The following GPC6 variants were observed in gnomAD, a reference collection of about 807,000 sequenced individuals.
GPC6 encodes the protein glypican-6.
In GPC6, 14 loss-of-function variants were observed where a neutral mutation model predicts 55.2. The observed-to-expected ratio is 0.25, with a 90% confidence interval of 0.17 to 0.40. GPC6 has a LOEUF of 0.40. GPC6 is among the 10% of genes least tolerant of loss of function. The probability of loss-of-function intolerance (pLI) is 1.00; values close to 1 mark genes in which losing one functional copy is unlikely to be tolerated. For synonymous variants in GPC6, 278 were observed against 259.6 expected (o/e 1.07, Z -0.68); for missense variants, 641 against 708.5 (o/e 0.90, Z 1.08).
At chr13:94,099,459 A>G (rs994192337) in intron 4 of GPC6, among the ~76,000 whole-genome samples, 17 of 152,112 alleles carry the variant, frequency 1.1e-4, no homozygotes, top group African/African-American at 3.9e-4. Flanking sequence ...GAAGGTGTAT[A>G]TAGGAGACTC....
intron 4 of GPC6, among the ~76,000 whole-genome samples, chr13:94,124,480 A>T (rs7334378): frequency 6.3e-4 from 96 of 152,258 alleles, no homozygotes; most frequent in African/African-American, 2.2e-3. Flanking sequence ...ATGTGGACAA[A>T]TCAGAGAAGA....
At chr13:93,419,364 GA>G (rs1426396619) in intron 1 of GPC6, among the ~76,000 whole-genome samples, 2 of 151,772 alleles carry the variant, frequency 1.3e-5, no homozygotes, top group Non-Finnish European at 2.9e-5. Flanking sequence ...AAAGGTATTT[GA>G]AAAATGTTAG....
intron 1 of GPC6, among the ~76,000 whole-genome samples, chr13:93,382,916 T>C (rs994589553): frequency 7.2e-5 from 11 of 152,186 alleles, no homozygotes; most frequent in Admixed American, 1.3e-4. Context: ...CACATAGTCC[T>C]TCACTCTCTT....
chr13:93,732,838 T>C (rs1883876111), intron 2 of GPC6, among the ~76,000 whole-genome samples: 1 of 152,170 alleles, frequency 6.6e-6, no homozygotes, highest in Non-Finnish European at 1.5e-5. Context: ...GAAATTAATC[T>C]TAATATTTTC....
intron 2 of GPC6, among the ~76,000 whole-genome samples, chr13:93,723,081 A>T (rs1196050132): frequency 6.6e-6 from 1 of 151,978 alleles, no homozygotes; most frequent in African/African-American, 2.4e-5. Flanking sequence ...ATACATTTCT[A>T]TTTGACAACA....
intron 2 of GPC6, among the ~76,000 whole-genome samples, chr13:93,580,322 A>G (rs1239361822): frequency 6.6e-6 from 1 of 152,182 alleles, no homozygotes; most frequent in East Asian, 1.9e-4. Context: ...ATGACATTGA[A>G]GGTTAGGATT....
intron 2 of GPC6, among the ~76,000 whole-genome samples, chr13:93,672,091 CGTAGAAAAAAGGGTCCAAGACTAT>C (rs1881382413): frequency 6.7e-6 from 1 of 148,852 alleles, no homozygotes; most frequent in Non-Finnish European, 1.5e-5. Context: ...AACAGAACAA[CGTAGAAAAAAGGGTCCAAGACTAT>C]TTTTGCATTT....
At chr13:93,564,940 A>G (rs993610797) in intron 2 of GPC6, among the ~76,000 whole-genome samples, 4 of 152,204 alleles carry the variant, frequency 2.6e-5, no homozygotes, top group African/African-American at 9.7e-5. Flanking sequence ...CCGTTTCAAA[A>G]TATAAACTTA....
intron 3 of GPC6, among the ~76,000 whole-genome samples, chr13:93,859,108 A>G (rs533405574): frequency 2.0e-5 from 3 of 151,688 alleles, no homozygotes; most frequent in Admixed American, 2.0e-4. Context: ...TAGAAGCAGT[A>G]ACATTACCCA....
intron 1 of GPC6, among the ~76,000 whole-genome samples, chr13:93,450,560 G>A (rs542966046): frequency 6.6e-6 from 1 of 152,314 alleles, no homozygotes; most frequent in East Asian, 1.9e-4. Flanking sequence ...CTTCTTTGCA[G>A]CTGTGGGGAC....
chr13:94,072,370 T>C (rs9589891), intron 4 of GPC6, among the ~76,000 whole-genome samples: 4,263 of 152,206 alleles, frequency 0.028, 204 homozygotes, highest in African/African-American at 0.098. Context: ...TTTGTTTGTT[T>C]TTGAGACAGA....
chr13:93,753,263 C>T (rs1045704544), intron 2 of GPC6, among the ~76,000 whole-genome samples: 8 of 152,218 alleles, frequency 5.3e-5, no homozygotes, highest in Admixed American at 1.3e-4. Flanking sequence ...ATTTCTTTAC[C>T]GCATGGTTCT....
chr13:93,475,424 C>T (rs9524081), intron 1 of GPC6, among the ~76,000 whole-genome samples: 17,812 of 152,036 alleles, frequency 0.12, 1,328 homozygotes, highest in East Asian at 0.28. Flanking sequence ...ATTTACGTTT[C>T]ATTTGTGTTT....
intron 2 of GPC6, among the ~76,000 whole-genome samples, chr13:93,737,307 T>C (rs1041394404): frequency 6.6e-6 from 1 of 152,198 alleles, no homozygotes; most frequent in East Asian, 1.9e-4. Context: ...GAAGCCATAT[T>C]ACTCATTTAA....
chr13:94,032,623 G>A (rs149707032), intron 4 of GPC6, among the ~76,000 whole-genome samples: 108 of 152,270 alleles, frequency 7.1e-4, no homozygotes, highest in African/African-American at 2.5e-3. Context: ...TTGAACTGAT[G>A]AGATTTGTGT....
intron 3 of GPC6, among the ~76,000 whole-genome samples, chr13:94,013,570 G>A (rs535912184): frequency 9.9e-5 from 15 of 152,202 alleles, no homozygotes; most frequent in African/African-American, 2.6e-4. Flanking sequence ...GGCTGGTCTC[G>A]AATGCCTGAC....
intron 4 of GPC6, 59 bp downstream of exon 4, chr13:94,027,953 G>A: frequency 2.1e-6 from 3 of 1,449,774 alleles, no homozygotes; most frequent in East Asian, 4.5e-5. Flanking sequence ...GTGTTTATGG[G>A]GCTTGATGGG....
At chr13:93,836,300 A>G (rs1236377463) in intron 3 of GPC6, among the ~76,000 whole-genome samples, 3 of 152,240 alleles carry the variant, frequency 2.0e-5, no homozygotes, top group Admixed American at 6.5e-5. Flanking sequence ...AGAATTTACC[A>G]TGGATTCAAT....
chr13:93,629,056 A>AAC (rs1555318039), intron 2 of GPC6, among the ~76,000 whole-genome samples: 1 of 151,484 alleles, frequency 6.6e-6, no homozygotes, highest in Non-Finnish European at 1.5e-5. Context: ...AAACAAAAAA[A>AAC]ACTGACTTTT....
Sources: gnomAD v4.1 joint callset for allele counts (sites outside exome capture counted in the v4.1 genomes callset) on GRCh38, gnomAD v4.1.1 for gene constraint, MANE v1.5 for transcripts, NCBI Gene and HGNC (gene_info 2026-07-23, HGNC 2026-07-21) for gene names.